The following RBFOX1 variants were observed in gnomAD, a reference collection of about 807,000 sequenced individuals.
The protein encoded by RBFOX1 is RNA binding fox-1 homolog 1.
Under a neutral mutation model 57.7 loss-of-function variants are expected in RBFOX1, and 8 were observed. The ratio of observed to expected loss-of-function variants is 0.14; its 90% confidence interval spans 0.08 to 0.25. RBFOX1 has a LOEUF of 0.25. Ranked by LOEUF, RBFOX1 falls within the 10% of genes least tolerant of loss-of-function variation. The pLI, the probability that RBFOX1 is intolerant of heterozygous loss-of-function variation, is 1.00. For synonymous variants in RBFOX1, 326 were observed against 222.4 expected (o/e 1.47, Z -4.15); for missense variants, 611 against 548.5 (o/e 1.11, Z -1.14).
rs148687361 is a variant in RBFOX1 at position 6,881,524 on chromosome 16, C to T, written c.-15-170533C>T. Among the ~76,000 whole-genome samples the T allele has an allele frequency of 1.1e-3, 161 of 152,208 alleles. 2 individuals are homozygous for T. The highest frequency in any genetic ancestry group is 3.5e-3 in the East Asian group (18 of 5,166). On this transcript the variant is annotated intron_variant, in intron 3 of 15. Coordinates refer to ENST00000550418, the MANE Select transcript of RBFOX1 (RefSeq NM_018723.4). ...GCCTGTGTATCTTTACATCATCTTCCGTCTATGCATGTCTGTGTCCAAACA... is the reference window on the plus strand; with the variant it reads ...GCCTGTGTATCTTTACATCATCTTCTGTCTATGCATGTCTGTGTCCAAACA...
In RBFOX1 at chr16:5,904,954, G is replaced by C. The variant is rs1017184514; in HGVS notation, c.351+37619G>C. On this transcript the variant is annotated intron_variant, in intron 4 of 19. Coordinates refer to the RBFOX1 transcript ENST00000641259. ...ATCGCACCAATGCACTCCAGCCTGGGCGACAGAGCAAGACTCCGTCTCAAA... is the reference window on the plus strand; with the variant it reads ...ATCGCACCAATGCACTCCAGCCTGGCCGACAGAGCAAGACTCCGTCTCAAA... Among the ~76,000 whole-genome samples the C allele has an allele frequency of 5.7e-5, 8 of 140,004 alleles. 1 individual carries two copies. Among genetic ancestry groups the C allele is most frequent in the African/African-American group, 1.1e-4 (4 of 37,240 alleles). 91.8% of individuals were successfully genotyped at this position (140,004 alleles called of 152,430 possible).
At chr16:6,539,140 A>C (rs1440464093) in intron 2 of RBFOX1, among the ~76,000 whole-genome samples, 1 of 152,020 alleles carries the variant, frequency 6.6e-6, no homozygotes, top group East Asian at 1.9e-4. Context: ...AAAAAAGAAA[A>C]TTTGCCCATG....
At chr16:7,277,627 C>G (rs138855171) in intron 4 of RBFOX1, among the ~76,000 whole-genome samples, 5 of 152,092 alleles carry the variant, frequency 3.3e-5, no homozygotes, top group Non-Finnish European at 7.4e-5. Context: ...ATTTCTTAGT[C>G]TCAGTGGTAG....
At chr16:6,930,245 C>T (rs1050476089) in intron 3 of RBFOX1, among the ~76,000 whole-genome samples, 1 of 152,132 alleles carries the variant, frequency 6.6e-6, no homozygotes, top group Non-Finnish European at 1.5e-5. Flanking sequence ...AGCAAACAAG[C>T]TGACTCAAAA....
At chr16:6,372,662 G>C (rs2090612610) in intron 2 of RBFOX1, among the ~76,000 whole-genome samples, 1 of 151,336 alleles carries the variant, frequency 6.6e-6, no homozygotes, top group Non-Finnish European at 1.5e-5. Flanking sequence ...TGGAAGTATA[G>C]TTGGATGGAA....
At chr16:5,674,439 A>C (rs1222489756) in intron 3 of RBFOX1, among the ~76,000 whole-genome samples, 1 of 152,152 alleles carries the variant, frequency 6.6e-6, no homozygotes, top group African/African-American at 2.4e-5. Flanking sequence ...GCAGGTTGAT[A>C]GTGACAGGGC....
At chr16:7,247,156 C>A (rs1170211167) in intron 4 of RBFOX1, among the ~76,000 whole-genome samples, 2 of 152,102 alleles carry the variant, frequency 1.3e-5, no homozygotes, top group African/African-American at 2.4e-5. Context: ...AACTCTGGTC[C>A]CTGTGTCTCA....
chr16:5,650,998 C>T (rs139191039), intron 3 of RBFOX1, among the ~76,000 whole-genome samples: 28 of 149,042 alleles, frequency 1.9e-4, no homozygotes, highest in African/African-American at 6.9e-4. Flanking sequence ...CCTTCTCCCT[C>T]TCCCTTTCTC....
chr16:7,129,584 G>C (rs2069637060), intron 4 of RBFOX1, among the ~76,000 whole-genome samples: 2 of 151,998 alleles, frequency 1.3e-5, no homozygotes, highest in Non-Finnish European at 2.9e-5. Context: ...AAAAATTGAG[G>C]AATTACAGTT....
At chr16:6,599,599 C>T (rs2097824030) in intron 2 of RBFOX1, among the ~76,000 whole-genome samples, 1 of 152,122 alleles carries the variant, frequency 6.6e-6, no homozygotes, top group Non-Finnish European at 1.5e-5. Flanking sequence ...TGATTTTCCC[C>T]CGTGTAAATC....
At chr16:7,411,387 T>G (rs2098423571) in intron 4 of RBFOX1, among the ~76,000 whole-genome samples, 1 of 152,188 alleles carries the variant, frequency 6.6e-6, no homozygotes. Flanking sequence ...AGTTCTACAC[T>G]CTTCCTTCTC....
At chr16:5,358,437 T>C (rs1181898241) in intron 1 of RBFOX1, among the ~76,000 whole-genome samples, 1 of 152,174 alleles carries the variant, frequency 6.6e-6, no homozygotes, top group Admixed American at 6.5e-5. Flanking sequence ...ATGTTGTGGG[T>C]ACATAGAGGT....
chr16:5,492,537 GGAGA>G (rs2042868070), intron 2 of RBFOX1, among the ~76,000 whole-genome samples: 3 of 152,200 alleles, frequency 2.0e-5, no homozygotes, highest in Admixed American at 2.0e-4. Flanking sequence ...AGATTTTAAT[GGAGA>G]GATAGTGTGA....
rs191385313 is a variant in RBFOX1 at position 6,118,478 on chromosome 16, G to T, written c.-127+98486G>T. On this transcript the variant is annotated intron_variant, in intron 1 of 15. Transcript: ENST00000550418. Reference sequence around the variant, plus strand: ...GCATCTTGTTGCCATGTCATCACACGGTGTAAGGGTCAAGGTAGCTGTCTT... The same window carrying T: ...GCATCTTGTTGCCATGTCATCACACTGTGTAAGGGTCAAGGTAGCTGTCTT... Among the ~76,000 whole-genome samples, 47 of 152,242 alleles carry T rather than the reference G, an allele frequency of 3.1e-4. 1 individual carries two copies. The East Asian group carries it at 5.6e-3, about 18-fold the overall frequency.
chr16:6,261,933 G>C (rs567825249), intron 1 of RBFOX1, among the ~76,000 whole-genome samples: 1 of 152,114 alleles, frequency 6.6e-6, no homozygotes, highest in African/African-American at 2.4e-5. Context: ...GGGAGGCTGA[G>C]GCATGAGAGT....
At chr16:6,589,814 A>G (rs1476191770) in intron 2 of RBFOX1, among the ~76,000 whole-genome samples, 4 of 152,226 alleles carry the variant, frequency 2.6e-5, no homozygotes, top group Admixed American at 2.0e-4. Flanking sequence ...ATAAATGAAC[A>G]AGGACAGCTT....
intron 2 of RBFOX1, among the ~76,000 whole-genome samples, chr16:5,588,778 T>C (rs1334178289): frequency 6.6e-6 from 1 of 152,102 alleles, no homozygotes; most frequent in African/African-American, 2.4e-5. Context: ...AAGCCGGTCT[T>C]TTTTTGGAAG....
intron 4 of RBFOX1, among the ~76,000 whole-genome samples, chr16:7,094,526 A>T (rs2061371596): frequency 6.6e-6 from 1 of 152,156 alleles, no homozygotes; most frequent in African/African-American, 2.4e-5. Context: ...TTCCTATGTC[A>T]TCTTCTCCTG....
intron 3 of RBFOX1, among the ~76,000 whole-genome samples, chr16:6,656,171 C>G (rs1030235909): frequency 6.6e-6 from 1 of 152,168 alleles, no homozygotes; most frequent in Non-Finnish European, 1.5e-5. Flanking sequence ...AGTCTTCTAC[C>G]AATGTTCTGC....
Sources: allele counts gnomAD v4.1 joint callset (sites outside exome capture counted in the v4.1 genomes callset), GRCh38; gene constraint gnomAD v4.1.1; transcripts MANE v1.5; gene names NCBI Gene and HGNC (gene_info 2026-07-23, HGNC 2026-07-21).